The following SLC24A2 variants were observed in gnomAD, a reference collection of about 807,000 sequenced individuals.
The protein encoded by SLC24A2 is sodium/potassium/calcium exchanger 2.
SLC24A2 carries 36 observed loss-of-function variants against 62.0 expected under a neutral mutation model. That is an observed-to-expected ratio of 0.58 (90% CI 0.44 to 0.77). SLC24A2 has a LOEUF of 0.77. Ranked by LOEUF, SLC24A2 falls within the 30% of genes least tolerant of loss-of-function variation. The probability of loss-of-function intolerance (pLI) is 0.00; values close to 1 mark genes in which losing one functional copy is unlikely to be tolerated. For missense variants in SLC24A2, 846 were observed against 817.9 expected (o/e 1.03, Z -0.42); for synonymous variants, 358 against 294.0 (o/e 1.22, Z -2.23).
the SLC24A2 span, among the ~76,000 whole-genome samples, chr9:19,903,138 C>A: frequency 6.6e-5 from 10 of 151,694 alleles, no homozygotes; most frequent in African/African-American, 2.2e-4. Flanking sequence ...GAGAGAGCGT[C>A]TTGGTTAGCT....
the SLC24A2 span, among the ~76,000 whole-genome samples, chr9:20,279,509 C>A: frequency 1.3e-5 from 2 of 152,014 alleles, no homozygotes; most frequent in Non-Finnish European, 2.9e-5. Context: ...CCAGCCCGAG[C>A]AACAAGAGTG....
the SLC24A2 span, among the ~76,000 whole-genome samples, chr9:20,291,359 C>T: frequency 1.3e-5 from 2 of 152,062 alleles, no homozygotes; most frequent in African/African-American, 4.8e-5. Context: ...GAGAAAGGTA[C>T]ACAAAGACAC....
At chr9:20,163,715 T>C in the SLC24A2 span, among the ~76,000 whole-genome samples, 1 of 152,166 alleles carries the variant, frequency 6.6e-6, no homozygotes, top group Non-Finnish European at 1.5e-5. Flanking sequence ...GGCATCATGC[T>C]ACCTGACTTC....
chr9:20,202,985 G>T, the SLC24A2 span, among the ~76,000 whole-genome samples: 2 of 152,132 alleles, frequency 1.3e-5, no homozygotes, highest in African/African-American at 4.8e-5. Context: ...CATCCCACCA[G>T]AGTTAGATTT....
intron 2 of SLC24A2, among the ~76,000 whole-genome samples, chr9:19,682,651 G>A (rs954597404): frequency 2.0e-5 from 3 of 152,090 alleles, no homozygotes; most frequent in African/African-American, 2.4e-5. Context: ...GAAACACAGC[G>A]TTAAGTAGAG....
At chr9:20,286,788 T>G in the SLC24A2 span, among the ~76,000 whole-genome samples, 1 of 152,224 alleles carries the variant, frequency 6.6e-6, no homozygotes, top group South Asian at 2.1e-4. Context: ...AAAACAGGAC[T>G]CTCCTGAACA....
the SLC24A2 span, among the ~76,000 whole-genome samples, chr9:19,849,977 T>C: frequency 6.6e-6 from 1 of 151,634 alleles, no homozygotes; most frequent in Non-Finnish European, 1.5e-5. Context: ...CAGGCTATTT[T>C]TCCAGAAAAG....
chr9:20,138,424 A>G, the SLC24A2 span, among the ~76,000 whole-genome samples: 1,132 of 152,290 alleles, frequency 7.4e-3, 17 homozygotes, highest in Middle Eastern at 0.041. Flanking sequence ...TTTTCTAGAA[A>G]CTAGTTTTTA....
the SLC24A2 span, among the ~76,000 whole-genome samples, chr9:19,977,637 C>T: frequency 6.6e-6 from 1 of 152,174 alleles, no homozygotes; most frequent in African/African-American, 2.4e-5. Flanking sequence ...AGTAGCTGGA[C>T]TCTTGATATT....
At chr9:20,000,557 C>T in the SLC24A2 span, among the ~76,000 whole-genome samples, 1 of 152,166 alleles carries the variant, frequency 6.6e-6, no homozygotes, top group African/African-American at 2.4e-5. Flanking sequence ...TGAGAATAGA[C>T]CACCTGGCAA....
chr9:19,920,509 G>A, the SLC24A2 span, among the ~76,000 whole-genome samples: 1 of 152,188 alleles, frequency 6.6e-6, no homozygotes, highest in South Asian at 2.1e-4. Flanking sequence ...AAGTGAGGAA[G>A]TGAAACAGGG....
intron 2 of SLC24A2, among the ~76,000 whole-genome samples, chr9:19,647,084 A>G (rs886603316): frequency 3.3e-5 from 5 of 150,754 alleles, no homozygotes; most frequent in Admixed American, 2.7e-4. Flanking sequence ...ACACACACAC[A>G]CACACACACA....
At chr9:19,559,138 G>A (rs1835268228) in intron 7 of SLC24A2, among the ~76,000 whole-genome samples, 1 of 152,080 alleles carries the variant, frequency 6.6e-6, no homozygotes, top group South Asian at 2.1e-4. Context: ...TCAAACAAAT[G>A]TTACTTAATT....
At chr9:19,685,915 A>C in intron 2 of SLC24A2, among the ~76,000 whole-genome samples, 1 of 151,380 alleles carries the variant, frequency 6.6e-6, no homozygotes, top group Admixed American at 6.6e-5. Flanking sequence ...AAAAATGGAC[A>C]AATTGGACCT....
At chr9:19,953,635 T>C in the SLC24A2 span, among the ~76,000 whole-genome samples, 1 of 152,054 alleles carries the variant, frequency 6.6e-6, no homozygotes, top group Non-Finnish European at 1.5e-5. Flanking sequence ...AGGTCCAAAA[T>C]CATTTAATTT....
At chr9:19,517,727 G>GT (rs1430911595) in intron 10 of SLC24A2, among the ~76,000 whole-genome samples, 5 of 151,988 alleles carry the variant, frequency 3.3e-5, no homozygotes, top group African/African-American at 1.2e-4. Flanking sequence ...GGTAATTCCA[G>GT]TTCTTAGCAG....
Position 19,612,347 on chromosome 9 carries a change from C to CT in SLC24A2, c.1078+7236dup, listed in dbSNP as rs577152342. On this transcript the variant is annotated intron_variant, in intron 4 of 10. Coordinates refer to ENST00000341998, the MANE Select transcript of SLC24A2 (RefSeq NM_020344.4). ...CATACTCTTCATTTGTTTTAGTTTC[C>CT]TTTTTTTCTAATTTAGAGACAGAGG... Among the ~76,000 whole-genome samples, 20 of 152,170 alleles carry CT rather than the reference C, an allele frequency of 1.3e-4. No individual in the cohort carries two copies. The East Asian group carries it at 2.5e-3, about 19-fold the overall frequency.
chr9:19,909,134 A>G, the SLC24A2 span, among the ~76,000 whole-genome samples: 4 of 152,300 alleles, frequency 2.6e-5, no homozygotes, highest in South Asian at 8.3e-4. Flanking sequence ...CATATATACC[A>G]TGGAATACTA....
the SLC24A2 span, among the ~76,000 whole-genome samples, chr9:19,950,314 C>T: frequency 6.6e-6 from 1 of 152,040 alleles, no homozygotes; most frequent in Admixed American, 6.5e-5. Flanking sequence ...ATTTTTATTA[C>T]AAAAAAACTT....
Sources: gnomAD v4.1 joint callset for allele counts (sites outside exome capture counted in the v4.1 genomes callset) on GRCh38, gnomAD v4.1.1 for gene constraint, MANE v1.5 for transcripts, NCBI Gene and HGNC (gene_info 2026-07-23, HGNC 2026-07-21) for gene names.